RNF157: variants seen among roughly 807,000 people sequenced by gnomAD.
RNF157 encodes the protein E3 ubiquitin ligase RNF157.
RNF157 carries 55 observed loss-of-function variants against 88.3 expected under a neutral mutation model. That is an observed-to-expected ratio of 0.62 (90% CI 0.50 to 0.78). The LOEUF is 0.78. Among genes scored for constraint, RNF157 ranks in the 30% least tolerant of loss-of-function variants. The pLI is 0.00. For missense variants in RNF157, 788 were observed against 860.8 expected, an observed-to-expected ratio of 0.92 and a Z score of 1.06; for synonymous variants, 334 against 341.2, an observed-to-expected ratio of 0.98 and a Z score of 0.23.
At position 76,145,080 on chromosome 17, in the gene RNF157, C is replaced by G. The variant is rs2068564366; in HGVS notation, c.*155G>C. The G allele has an allele frequency of 1.7e-6, 1 of 588,086 alleles. No individual in the cohort carries two copies. The highest frequency in any genetic ancestry group is 1.9e-5 in the African/African-American group (1 of 53,674). 36.4% of individuals were successfully genotyped at this position (588,086 alleles called of 1,614,324 possible). A position where few individuals can be genotyped will look rare whatever the true frequency, so the allele number is the denominator to read the frequency against. On this transcript the variant is annotated 3_prime_UTR_variant, in exon 19 of 19. Transcript: ENST00000269391. ...GGAGAAAGGAGGGTTCCAGTTCCCT[C>G]TGAGAGGTGAGGGATTGTGGTTACA...
At position 76,185,498 on chromosome 17, in the gene RNF157, C is replaced by T. The variant is rs1160728132; in HGVS notation, c.208-11708G>A. On this transcript the variant is annotated intron_variant, in intron 2 of 18. Coordinates refer to ENST00000269391, the MANE Select transcript of RNF157 (RefSeq NM_052916.3). ...TTCTTTTTTTTTTTTGAGACGGAGTCTCGCTCTGTCGCCCAGGCTGGAGTG... is the reference window on the plus strand; with the variant it reads ...TTCTTTTTTTTTTTTGAGACGGAGTTTCGCTCTGTCGCCCAGGCTGGAGTG... Among the ~76,000 whole-genome samples the T allele has an allele frequency of 2.9e-3, 353 of 121,074 alleles. 4 individuals are homozygous for T. Among genetic ancestry groups the T allele is most frequent in the African/African-American group, 0.011 (283 of 24,904 alleles). The allele number at this position is 121,074 out of a possible 152,430, so 79.4% of individuals were successfully genotyped here. A position where few individuals can be genotyped will look rare whatever the true frequency, so the allele number is the denominator to read the frequency against.
intron 1 of RNF157, among the ~76,000 whole-genome samples, chr17:76,239,126 C>T (rs564352362): frequency 1.3e-5 from 2 of 152,290 alleles, no homozygotes; most frequent in South Asian, 2.1e-4. Context: ...AAATCTCCAT[C>T]GGGTCCTAAG....
At chr17:76,156,559 G>GC (rs1348149670) in intron 13 of RNF157, 3 of 982,838 alleles carry the variant, frequency 3.1e-6, no homozygotes, top group African/African-American at 1.7e-5. Flanking sequence ...CCAGGGCACA[G>GC]CATCTGCTGC....
At chr17:76,147,324 A>G in intron 18 of RNF157, 3 of 986,300 alleles carry the variant, frequency 3.0e-6, no homozygotes, top group Non-Finnish European at 3.6e-6. Context: ...TCAGTAGGAA[A>G]GACCAAAAGC....
chr17:76,156,953 T>C (rs2068774809), intron 13 of RNF157, among the ~76,000 whole-genome samples: 1 of 151,932 alleles, frequency 6.6e-6, no homozygotes, highest in Non-Finnish European at 1.5e-5. Flanking sequence ...CACGCAGTCC[T>C]TCTTTTTTTT....
rs1458575094 is a variant in RNF157, at chr17:76,156,191, C to T, written c.1525+19G>A. The T allele has an allele frequency of 6.3e-7, 1 of 1,586,056 alleles. No individual in the cohort carries two copies. Among genetic ancestry groups the T allele is most frequent in the South Asian group, 1.1e-5 (1 of 90,478 alleles). On this transcript the variant is annotated intron_variant, in intron 14 of 18. Transcript: ENST00000269391. ...GGTAAGGGGGAAGGACATGCAGCCA[C>T]TCCCCGCTCCTTATGTACCTTCTGG...
chr17:76,231,471 A>C (rs957179426), intron 1 of RNF157, among the ~76,000 whole-genome samples: 37 of 152,040 alleles, frequency 2.4e-4, no homozygotes, highest in Non-Finnish European at 5.3e-4. Context: ...TAATTTTTAA[A>C]ATTTTTTGTA....
chr17:76,167,790 C>A lies in RNF157; in HGVS notation c.304G>T (p.Glu102Ter). The change falls in exon 4 of 19, where the codon GAG (glutamate) becomes TAG (stop). Residue 102 changes from glutamate to a stop codon, truncating the protein, a stop_gained. Transcript: ENST00000269391. LOFTEE classifies it high-confidence loss of function. ...TCTTCTCCAGGGCTCTTCACTTCCT[C>A]AGCACATCTAGAAAACCAGAGACTC... ...KDTLRLVKCA[E>*]EVKSPGEEAS... 1 of 1,613,458 alleles carries A rather than the reference C, an allele frequency of 6.2e-7. No individual in the cohort carries two copies. The highest frequency in any genetic ancestry group is 8.5e-7 in the Non-Finnish European group (1 of 1,179,778).
rs559663466 is a variant in RNF157, at chr17:76,176,743, C to T, written c.208-2953G>A. ...AGCGCGGTAGGGCAAAGAGGAGCCC[C>T]GAGGCGGAGCTGGGCCTTGGCCAGT... is the stretch of plus-strand genomic sequence containing the variant. On this transcript the variant is annotated intron_variant, in intron 2 of 18. Transcript: ENST00000269391. This position sits in a 1 kb window ranked among gnomAD's most constrained non-coding sequence, Gnocchi z 4.2. Among the ~76,000 whole-genome samples, 2 of 152,352 alleles carry T rather than the reference C, an allele frequency of 1.3e-5. No homozygotes were observed. The highest frequency in any genetic ancestry group is 6.5e-5 in the Admixed American group (1 of 15,304).
intron 2 of RNF157, among the ~76,000 whole-genome samples, chr17:76,208,731 G>A (rs1282399767): frequency 6.6e-6 from 1 of 152,120 alleles, no homozygotes; most frequent in Non-Finnish European, 1.5e-5. Flanking sequence ...CAGCACTTTG[G>A]GAGGCCGAGA....
At position 76,161,032 on chromosome 17, in the gene RNF157, A is replaced by G. The variant is rs1376558162; in HGVS notation, c.1065+503T>C. 1.3e-5 allele frequency among the ~76,000 whole-genome samples: 2 copies of G among 152,222 alleles called. No individual in the cohort carries two copies. Among genetic ancestry groups the G allele is most frequent in the Non-Finnish European group, 2.9e-5 (2 of 68,044 alleles). ...ATCTCTCCCAGCAGTGCGTTAGTCT[A>G]AAGAAAGACAGTATCTGCTGCTCTC... On this transcript the variant is annotated intron_variant, in intron 11 of 18. Coordinates refer to ENST00000269391, the MANE Select transcript of RNF157 (RefSeq NM_052916.3). The surrounding 1 kb of genome is among the most constrained non-coding windows in gnomAD (Gnocchi z 4.6).
chr17:76,226,251 C>T (rs1474541672), intron 1 of RNF157: 34 of 1,609,672 alleles, frequency 2.1e-5, no homozygotes, highest in Non-Finnish European at 2.3e-5. Context: ...GTGATATCCA[C>T]TTCACTGCCC....
At chr17:76,173,600 G>T in intron 3 of RNF157, 102 bp downstream of exon 3, 1 of 858,728 alleles carries the variant, frequency 1.2e-6, no homozygotes, top group Non-Finnish European at 1.9e-6. Context: ...CTCTGGGGCT[G>T]CCGGAAACTG....
At chr17:76,200,862 T>C (rs1182774920) in intron 2 of RNF157, among the ~76,000 whole-genome samples, 2 of 152,170 alleles carry the variant, frequency 1.3e-5, no homozygotes, top group African/African-American at 4.8e-5. Flanking sequence ...TAAAGGTGAA[T>C]TACTGCATGT....
chr17:76,226,582 C>T, intron 1 of RNF157: 1 of 1,613,648 alleles, frequency 6.2e-7, no homozygotes, highest in South Asian at 1.1e-5. Flanking sequence ...AGGCATCCTC[C>T]TTGCTGTTGT....
Position 76,161,636 on chromosome 17 carries a change from G to C in RNF157, c.964C>G (p.Leu322Val). The C allele has an allele frequency of 6.2e-7, 1 of 1,613,872 alleles. No individual in the cohort carries two copies. Among genetic ancestry groups the C allele is most frequent in the East Asian group, 2.2e-5 (1 of 44,882 alleles). The change falls in exon 11 of 19, where the codon CTG (leucine) becomes GTG (valine). Residue 322 changes from leucine (L) to valine (V), a missense_variant. Transcript: ENST00000269391. The surrounding 1 kb of genome is among the most constrained non-coding windows in gnomAD (Gnocchi z 4.6). ...CPICRLPFRA[L>V]LQIRAMRKKL... is the part of the protein sequence containing the mutation. ...TTCCTCATGGCTCGGATCTGAAGCA[G>C]TGCCCGGAAGGCTGTGAAGGAGAAA...
chr17:76,193,431 T>TG (rs2069419026), intron 2 of RNF157, among the ~76,000 whole-genome samples: 1 of 152,174 alleles, frequency 6.6e-6, no homozygotes, highest in African/African-American at 2.4e-5. Flanking sequence ...CCAAAGCACT[T>TG]GAAGTAAATA....
At position 76,158,399 on chromosome 17, in the gene RNF157, G is replaced by A. The variant is rs143082385; in HGVS notation, c.1407C>T (p.Leu469=). The A allele has an allele frequency of 1.2e-4, 192 of 1,609,126 alleles. No homozygotes were observed. Among genetic ancestry groups the A allele is most frequent in the Non-Finnish European group, 1.6e-4 (184 of 1,176,004 alleles). Reference sequence around the variant, plus strand: ...GGAGAGGAATGTCAATTACCTCTCCGAGATGCTGAACCGACGGTCTCTGAG... The same window carrying A: ...GGAGAGGAATGTCAATTACCTCTCCAAGATGCTGAACCGACGGTCTCTGAG... ...QLSQRPSVQH[L]GEECGVTPES... is the part of the protein sequence containing the mutation. The change falls in exon 13 of 19, where the codon CTC becomes CTT. Residue 469 remains leucine (L), a synonymous_variant. Transcript: ENST00000269391.
chr17:76,225,462 T>C (rs1295766643), intron 1 of RNF157, among the ~76,000 whole-genome samples: 1 of 152,216 alleles, frequency 6.6e-6, no homozygotes. Flanking sequence ...TTCCAGATTT[T>C]TTTATACATA....
Sources: allele counts gnomAD v4.1 joint callset (sites outside exome capture counted in the v4.1 genomes callset), GRCh38; gene constraint gnomAD v4.1.1; non-coding constraint Gnocchi (gnomAD v3.1); transcripts MANE v1.5; gene names NCBI Gene and HGNC (gene_info 2026-07-23, HGNC 2026-07-21).